Variants in DGCR2 observed in about 807,000 individuals in gnomAD.
DGCR2 encodes the protein integral membrane protein DGCR2/IDD.
Under a neutral mutation model 51.6 loss-of-function variants are expected in DGCR2, and 24 were observed. That is an observed-to-expected ratio of 0.47 (90% CI 0.34 to 0.65). The LOEUF is 0.65. DGCR2 is among the 30% of genes least tolerant of loss of function. The pLI is 0.01. For synonymous variants in DGCR2, 340 were observed against 315.4 expected (o/e 1.08, Z -0.82); for missense variants, 765 against 772.1 (o/e 0.99, Z 0.11).
At chr22:19,088,080 T>C (rs1207237072) in intron 2 of DGCR2, among the ~76,000 whole-genome samples, 4 of 152,218 alleles carry the variant, frequency 2.6e-5, no homozygotes, top group Non-Finnish European at 5.9e-5. Context: ...AGTTCAAATG[T>C]CACCTAATCC....
At chr22:19,100,721 A>G (rs914496700) in intron 1 of DGCR2, among the ~76,000 whole-genome samples, 6 of 151,898 alleles carry the variant, frequency 4.0e-5, no homozygotes, top group Non-Finnish European at 5.9e-5. Flanking sequence ...ATTCTAAGAC[A>G]CCTTAATACA....
chr22:19,073,782 T>G (rs899275643), intron 2 of DGCR2, among the ~76,000 whole-genome samples: 3 of 152,182 alleles, frequency 2.0e-5, no homozygotes, highest in Non-Finnish European at 4.4e-5. Flanking sequence ...AACCTTTGTC[T>G]CCTATGTTCC....
intron 2 of DGCR2, among the ~76,000 whole-genome samples, chr22:19,075,374 G>T (rs1228276317): frequency 6.6e-6 from 1 of 151,996 alleles, no homozygotes; most frequent in Non-Finnish European, 1.5e-5. Flanking sequence ...GTGAACCCGG[G>T]AGGCAGAGCT....
chr22:19,068,420 T>G (rs1443671190), intron 2 of DGCR2, among the ~76,000 whole-genome samples, 195 bp from the exon 3 acceptor site: 1 of 152,264 alleles, frequency 6.6e-6, no homozygotes, highest in East Asian at 1.9e-4. Flanking sequence ...TGCTTCTTAT[T>G]AAAATTATGC....
chr22:19,115,944 A>G (rs1472185019), intron 1 of DGCR2, among the ~76,000 whole-genome samples: 1 of 152,228 alleles, frequency 6.6e-6, no homozygotes, highest in Non-Finnish European at 1.5e-5. Context: ...TGTGATTAAC[A>G]CTAACATTTT....
chr22:19,110,025 C>T (rs2083297917), intron 1 of DGCR2, among the ~76,000 whole-genome samples: 1 of 152,212 alleles, frequency 6.6e-6, no homozygotes, highest in Non-Finnish European at 1.5e-5. Flanking sequence ...AGTGTGATCA[C>T]CACAGGGAGT....
At chr22:19,089,744 C>G (rs1448863454) in intron 1 of DGCR2, among the ~76,000 whole-genome samples, 1 of 152,240 alleles carries the variant, frequency 6.6e-6, no homozygotes, top group East Asian at 1.9e-4. Context: ...TCATGCCTAG[C>G]TAATTTTTAT....
At chr22:19,073,385 G>A (rs780992493) in intron 2 of DGCR2, among the ~76,000 whole-genome samples, 10 of 152,252 alleles carry the variant, frequency 6.6e-5, no homozygotes, top group East Asian at 1.9e-4. Context: ...AGGAGAAAAC[G>A]AAAACTGGGA....
At chr22:19,056,566 A>AAAACAC in intron 6 of DGCR2, 3 of 333,210 alleles carry the variant, frequency 9.0e-6, no homozygotes, top group South Asian at 4.9e-5. Context: ...AAAAAAAAAA[A>AAAACAC]ACACACACAC....
intron 9 of DGCR2, among the ~76,000 whole-genome samples, chr22:19,040,054 G>C (rs1158836674): frequency 6.6e-6 from 1 of 152,128 alleles, no homozygotes; most frequent in Non-Finnish European, 1.5e-5. Context: ...AAAGCTAACA[G>C]CACAAGGCCC....
intron 8 of DGCR2, 166 bp from the exon 9 acceptor site, chr22:19,041,460 G>C (rs1333315839): frequency 8.9e-6 from 6 of 672,204 alleles, no homozygotes; most frequent in African/African-American, 1.8e-5. Context: ...TGAGACCCCT[G>C]GTGTGCTCCG....
chr22:19,052,075 G>A (rs2082554134), intron 6 of DGCR2, among the ~76,000 whole-genome samples: 1 of 152,130 alleles, frequency 6.6e-6, no homozygotes, highest in Admixed American at 6.5e-5. Flanking sequence ...CTGCAACTAC[G>A]ATACAATCAA....
Position 19,063,191 on chromosome 22 carries a change from G to T in DGCR2, c.625+11C>A. The stretch of plus-strand genomic sequence containing the variant: ...CAGCTTCAAACACTCCCACACACCA[G>T]AAGGGCTCACCTTTGAATGCCACCT... On this transcript the variant is annotated intron_variant, in intron 5 of 9. Transcript: ENST00000263196. 1.2e-5 allele frequency: 19 copies of T among 1,613,770 alleles called. No homozygotes were observed. The highest frequency in any genetic ancestry group is 1.6e-5 in the Non-Finnish European group (19 of 1,179,660).
intron 2 of DGCR2, among the ~76,000 whole-genome samples, chr22:19,082,222 C>CTTTTTTTTTT (rs56725898): frequency 4.5e-5 from 4 of 88,058 alleles, no homozygotes; most frequent in East Asian, 3.3e-4. Context: ...CTAATTATTT[C>CTTTTTTTTTT]TTTTTTTTTT....
chr22:19,063,305 G>T (rs773679710), intron 4 of DGCR2, 27 bp from the exon 5 acceptor site: 4 of 1,605,304 alleles, frequency 2.5e-6, no homozygotes, highest in Non-Finnish European at 3.4e-6. Flanking sequence ...CAGAGACAGA[G>T]ATCTCAGCGG....
rs1365713546 is a variant in DGCR2, at chr22:19,037,198, C to G, written c.*1667G>C. 6.6e-6 allele frequency: 1 copy of G among 152,378 alleles called. No homozygotes were observed. The highest frequency in any genetic ancestry group is 6.5e-5 in the Admixed American group (1 of 15,288). 9.4% of individuals were successfully genotyped at this position (152,378 alleles called of 1,614,324 possible). A position where few individuals can be genotyped will look rare whatever the true frequency, so the allele number is the denominator to read the frequency against. Reference sequence around the variant, plus strand: ...TCTCCAAGGGGAGCACAAGCCTGCCCGCACACAGCCTCCAGCATCATGCTC... The same window carrying G: ...TCTCCAAGGGGAGCACAAGCCTGCCGGCACACAGCCTCCAGCATCATGCTC... On this transcript the variant is annotated 3_prime_UTR_variant, in exon 10 of 10. Transcript: ENST00000263196.
At chr22:19,084,393 G>C (rs954223395) in intron 2 of DGCR2, among the ~76,000 whole-genome samples, 1 of 151,158 alleles carries the variant, frequency 6.6e-6, no homozygotes, top group Non-Finnish European at 1.5e-5. Flanking sequence ...GAGGTGAGGA[G>C]CGTCTCCGCC....
rs2082703128 is a variant in DGCR2, at chr22:19,063,083, C to T, written c.625+119G>A. The T allele has an allele frequency of 6.6e-6, 4 of 608,852 alleles. No individual in the cohort carries two copies. In the South Asian group the frequency reaches 1.1e-4, roughly 17 times the overall value. 37.7% of individuals were successfully genotyped at this position (608,852 alleles called of 1,614,324 possible). A position where few individuals can be genotyped will look rare whatever the true frequency, so the allele number is the denominator to read the frequency against. Reference sequence around the variant, plus strand: ...GCCCTCCCTGCAACTGGGGCTCACCCACTCCCTGCACAGCACCCCTACGGG... The same window carrying T: ...GCCCTCCCTGCAACTGGGGCTCACCTACTCCCTGCACAGCACCCCTACGGG... On this transcript the variant is annotated intron_variant, in intron 5 of 9. Transcript: ENST00000263196.
At chr22:19,042,207 G>A (rs1413841870) in intron 7 of DGCR2, among the ~76,000 whole-genome samples, 2 of 152,222 alleles carry the variant, frequency 1.3e-5, no homozygotes, top group East Asian at 1.9e-4. Flanking sequence ...AGGCTGCTGT[G>A]TGCCAACACC....
Sources: gnomAD v4.1 joint callset for allele counts (sites outside exome capture counted in the v4.1 genomes callset) on GRCh38, gnomAD v4.1.1 for gene constraint, MANE v1.5 for transcripts, NCBI Gene and HGNC (gene_info 2026-07-23, HGNC 2026-07-21) for gene names.